MGAM: variants seen among roughly 807,000 people sequenced by gnomAD.
MGAM encodes the protein maltase-glucoamylase.
A neutral mutation model predicts 358.8 loss-of-function variants in MGAM; 253 were observed. That is an observed-to-expected ratio of 0.71 (90% confidence interval 0.64 to 0.78). The LOEUF (loss-of-function observed/expected upper bound fraction) is 0.78. MGAM is among the 30% of genes least tolerant of loss of function. The pLI, the probability that MGAM is intolerant of heterozygous loss-of-function variation, is 0.00. For missense variants in MGAM, 3,080 were observed against 3,432.6 expected, an observed-to-expected ratio of 0.90 and a Z score of 2.57; for synonymous variants, 1,105 against 1,227.1, an observed-to-expected ratio of 0.90 and a Z score of 2.08.
intron 26 of MGAM, among the ~76,000 whole-genome samples, chr7:142,054,198 C>T (rs1811274615): frequency 6.6e-6 from 1 of 152,196 alleles, no homozygotes; most frequent in Admixed American, 6.5e-5. Flanking sequence ...ACACATCACC[C>T]ACGTGTTGTG....
Position 142,034,201 on chromosome 7 carries a change from A to C in MGAM, c.1670-61A>C. 3 of 1,253,784 alleles carry C rather than the reference A, an allele frequency of 2.4e-6. No individual in the cohort carries two copies. The Middle Eastern group carries it at 5.7e-4, about 239-fold the overall frequency. The allele number at this position is 1,253,784 out of a possible 1,614,324, so 77.7% of individuals were successfully genotyped here. On this transcript the variant is annotated intron_variant, in intron 14 of 70. Transcript: ENST00000475668. ...GGGGGCTGTCATTTCGGATTGTGAT[A>C]GTCAAGGAGCAGAAAATGTGCAACT...
intron 35 of MGAM, 102 bp downstream of exon 35, chr7:142,062,804 A>G: frequency 6.5e-7 from 1 of 1,547,368 alleles, no homozygotes. Flanking sequence ...GTCATTGTCC[A>G]AAGAAGACTT....
chr7:142,035,866 C>T (rs1807945109), intron 16 of MGAM, among the ~76,000 whole-genome samples: 1 of 152,146 alleles, frequency 6.6e-6, no homozygotes, highest in African/African-American at 2.4e-5. Context: ...AGGTACTATG[C>T]ATCCAAAAGC....
At chr7:142,103,475 C>T (rs1438480090) in intron 70 of MGAM, 36 bp downstream of exon 70, 2 of 1,546,644 alleles carry the variant, frequency 1.3e-6, no homozygotes, top group African/African-American at 1.4e-5. Flanking sequence ...TGGTATTCTC[C>T]ACCCTTAATA....
At chr7:142,074,787 ATTAT>A (rs1345476047) in intron 45 of MGAM, among the ~76,000 whole-genome samples, 1 of 146,472 alleles carries the variant, frequency 6.8e-6, no homozygotes, top group Non-Finnish European at 1.5e-5. Flanking sequence ...TTAAAAATTA[ATTAT>A]TTATTTGGTA....
In MGAM at chr7:142,043,746, TACAC is replaced by T. The variant is rs1414263706; in HGVS notation, c.2498+2902_2498+2905del. 1.5e-4 allele frequency among the ~76,000 whole-genome samples: 13 copies of T among 84,480 alleles called. 1 individual carries two copies. The East Asian group carries it at 3.4e-3, about 22-fold the overall frequency. The allele number at this position is 84,480 out of a possible 152,430, so 55.4% of individuals were successfully genotyped here. On this transcript the variant is annotated intron_variant, in intron 21 of 70. Transcript: ENST00000475668. ...TGTAATATATAATATATACATTATA[TACAC>T]ATACGACATATAATATATACATTAT...
rs372381325 is a variant in MGAM at position 142,097,108 on chromosome 7, T to A, written c.7693-485T>A. 5.2e-3 allele frequency among the ~76,000 whole-genome samples: 776 copies of A among 150,652 alleles called. 3 individuals carry two copies. The highest frequency in any genetic ancestry group is 0.024 in the Middle Eastern group (7 of 294). On this transcript the variant is annotated intron_variant, in intron 65 of 70. Coordinates refer to ENST00000475668, the MANE Select transcript of MGAM (RefSeq NM_001365693.1). ...CAGGCCCGGCCAATTTAAATTTTTT[T>A]TTTTATTTTTAGTAGAAACAGCATT...
intron 21 of MGAM, among the ~76,000 whole-genome samples, chr7:142,043,755 GAC>G (rs1809457846): frequency 3.8e-5 from 3 of 79,618 alleles, no homozygotes; most frequent in Admixed American, 1.7e-4. Context: ...ATACACATAC[GAC>G]ATATAATATA....
At chr7:142,037,015 T>C (rs1808054904) in intron 18 of MGAM, 38 bp downstream of exon 18, 1 of 1,584,500 alleles carries the variant, frequency 6.3e-7, no homozygotes, top group Non-Finnish European at 8.6e-7. Context: ...TATTAATGCA[T>C]CTGGAATGAC....
intron 24 of MGAM, among the ~76,000 whole-genome samples, chr7:142,051,861 A>C (rs1348522003): frequency 6.6e-6 from 1 of 152,186 alleles, no homozygotes; most frequent in African/African-American, 2.4e-5. Flanking sequence ...AAATGTGGGC[A>C]TGATAACCAG....
rs1812867881 is a variant in MGAM at position 142,067,504 on chromosome 7, C to G, written c.5004+79C>G. 7 of 1,168,274 alleles carry G rather than the reference C, an allele frequency of 6.0e-6. 1 individual carries two copies. The highest frequency in any genetic ancestry group is 7.4e-6 in the Non-Finnish European group (6 of 806,640). 72.4% of individuals were successfully genotyped at this position (1,168,274 alleles called of 1,614,324 possible). ...AAAGGACGAGGAGAAGAGGCCTGAG[C>G]TGGTGGGGGTCCTGAGACATGGTTT... On this transcript the variant is annotated intron_variant, in intron 42 of 70. Coordinates refer to ENST00000475668, the MANE Select transcript of MGAM (RefSeq NM_001365693.1).
intron 30 of MGAM, among the ~76,000 whole-genome samples, chr7:142,057,283 AGTG>A (rs1221714172): frequency 2.0e-5 from 3 of 150,010 alleles, no homozygotes; most frequent in Non-Finnish European, 4.4e-5. Context: ...TGGTGGTAGT[AGTG>A]GTGTTGGTGA....
chr7:141,992,993 T>A (rs999422287), upstream of MGAM, among the ~76,000 whole-genome samples: 6 of 152,250 alleles, frequency 3.9e-5, no homozygotes, highest in Admixed American at 3.3e-4. Context: ...TAAGTCAGTG[T>A]TACCACGGTG....
chr7:141,996,591 T>C (rs1804257634), intron 1 of MGAM, among the ~76,000 whole-genome samples: 1 of 152,164 alleles, frequency 6.6e-6, no homozygotes, highest in South Asian at 2.1e-4. Context: ...GAGAAATGAA[T>C]AAAAGGAGTT....
intron 6 of MGAM, 136 bp from the exon 7 acceptor site, chr7:142,022,132 A>G (rs1446546749): frequency 1.2e-6 from 1 of 804,840 alleles, no homozygotes; most frequent in African/African-American, 1.7e-5. Context: ...CCATAGAAAA[A>G]TGTCACAGGA....
In MGAM at chr7:142,076,646, AATT is replaced by A; in HGVS notation, c.5326-12_5326-10del. The A allele has an allele frequency of 1.3e-6, 2 of 1,518,890 alleles. No homozygotes were observed. The highest frequency in any genetic ancestry group is 2.7e-5 in the African/African-American group (2 of 74,360). The allele number at this position is 1,518,890 out of a possible 1,614,324, so 94.1% of individuals were successfully genotyped here. ...CATACCTTTATGCATAATTGGAGTT[AATT>A]GTTTTGCAGAACCACTTGGAGGTGA... On this transcript the variant is annotated splice_polypyrimidine_tract_variant and intron_variant, in intron 46 of 70. Coordinates refer to ENST00000475668, the MANE Select transcript of MGAM (RefSeq NM_001365693.1).
Position 142,074,066 on chromosome 7 carries a change from T to G in MGAM, c.5187-19T>G. On this transcript the variant is annotated intron_variant, in intron 44 of 70. Transcript: ENST00000475668. ...TTGTCTGACTCCTGTCTTTGTCTCT[T>G]GAATCTTGTTCCCCACAGTCGAAAG... The G allele has an allele frequency of 6.7e-7, 1 of 1,491,140 alleles. No individual in the cohort carries two copies. Among genetic ancestry groups the G allele is most frequent in the Non-Finnish European group, 9.3e-7 (1 of 1,078,032 alleles). 92.4% of individuals were successfully genotyped at this position (1,491,140 alleles called of 1,614,324 possible).
intron 30 of MGAM, among the ~76,000 whole-genome samples, chr7:142,057,840 A>G (rs1223627730): frequency 2.0e-5 from 3 of 152,174 alleles, no homozygotes; most frequent in Non-Finnish European, 2.9e-5. Flanking sequence ...TTATTTACAG[A>G]TGAAGAAACT....
intron 60 of MGAM, among the ~76,000 whole-genome samples, chr7:142,093,755 G>T (rs1431120624): frequency 1.4e-5 from 2 of 146,260 alleles, no homozygotes; most frequent in Non-Finnish European, 3.1e-5. Flanking sequence ...TTTAAATAAG[G>T]CATGGTCCCA....
Sources: gnomAD v4.1 joint callset for allele counts (sites outside exome capture counted in the v4.1 genomes callset) on GRCh38, gnomAD v4.1.1 for gene constraint, MANE v1.5 for transcripts, NCBI Gene and HGNC (gene_info 2026-07-23, HGNC 2026-07-21) for gene names.